GALNTL6: variants seen among roughly 807,000 people sequenced by gnomAD.
GALNTL6 encodes polypeptide N-acetylgalactosaminyltransferase like 6.
Under a neutral mutation model 73.7 loss-of-function variants are expected in GALNTL6, and 46 were observed. That is an observed-to-expected ratio of 0.62 (90% CI 0.49 to 0.80). The LOEUF is 0.80. Ranked by LOEUF, GALNTL6 falls within the 30% of genes least tolerant of loss-of-function variation. GALNTL6 has a pLI of 0.00. For synonymous variants in GALNTL6, 259 were observed against 263.7 expected (o/e 0.98, Z 0.17); for missense variants, 604 against 755.0 (o/e 0.80, Z 2.34).
rs192386461 is a variant in GALNTL6, at chr4:172,165,779, A to G, written c.139-63877A>G. Reference sequence around the variant, plus strand: ...TTTGAATCTCTTATGAAAATAAATCATTGTCAAGAAAAATGTTGCCAACAC... The same window carrying G: ...TTTGAATCTCTTATGAAAATAAATCGTTGTCAAGAAAAATGTTGCCAACAC... On this transcript the variant is annotated intron_variant, in intron 2 of 12. Transcript: ENST00000506823. Among the ~76,000 whole-genome samples the G allele has an allele frequency of 2.9e-3, 445 of 152,332 alleles. 1 individual carries two copies. The highest frequency in any genetic ancestry group is 4.7e-3 in the Non-Finnish European group (319 of 68,028).
At chr4:172,376,329 A>G (rs1188949870) in intron 5 of GALNTL6, among the ~76,000 whole-genome samples, 1 of 152,178 alleles carries the variant, frequency 6.6e-6, no homozygotes, top group Non-Finnish European at 1.5e-5. Flanking sequence ...TAGATAGAAT[A>G]GATGGGCTAG....
intron 7 of GALNTL6, among the ~76,000 whole-genome samples, chr4:172,816,845 G>A (rs1020911975): frequency 5.9e-5 from 9 of 151,940 alleles, no homozygotes; most frequent in South Asian, 2.1e-4. Flanking sequence ...CGGTGGCCGC[G>A]CCTGTATTCC....
intron 7 of GALNTL6, among the ~76,000 whole-genome samples, chr4:172,857,372 T>A (rs1386074000): frequency 6.6e-6 from 1 of 152,054 alleles, no homozygotes; most frequent in Non-Finnish European, 1.5e-5. Flanking sequence ...AAGCCCTATG[T>A]CTCATCCACT....
intron 12 of GALNTL6, among the ~76,000 whole-genome samples, chr4:173,037,165 G>A (rs1753730487): frequency 6.6e-6 from 1 of 152,234 alleles, no homozygotes; most frequent in African/African-American, 2.4e-5. Context: ...AGGGTGAGCA[G>A]AGCTCTGTCT....
At chr4:171,891,746 T>C (rs1736770328) in intron 2 of GALNTL6, among the ~76,000 whole-genome samples, 1 of 152,304 alleles carries the variant, frequency 6.6e-6, no homozygotes, top group South Asian at 2.1e-4. Flanking sequence ...AGGTTAAAGT[T>C]GCCAGGTAAA....
chr4:172,583,137 CAT>C (rs1263685046), intron 5 of GALNTL6, among the ~76,000 whole-genome samples: 2 of 151,752 alleles, frequency 1.3e-5, no homozygotes. Context: ...CCAATTCACA[CAT>C]ACACACACAC....
At chr4:171,971,432 T>C (rs950829448) in intron 2 of GALNTL6, among the ~76,000 whole-genome samples, 2 of 152,334 alleles carry the variant, frequency 1.3e-5, no homozygotes, top group East Asian at 3.9e-4. Flanking sequence ...ACAAAATATA[T>C]TTTGAATTTA....
intron 2 of GALNTL6, among the ~76,000 whole-genome samples, chr4:171,957,027 G>C (rs766044156): frequency 6.6e-6 from 1 of 152,160 alleles, no homozygotes; most frequent in Non-Finnish European, 1.5e-5. Context: ...CAGGACTTAA[G>C]GTCTTGCCAC....
intron 2 of GALNTL6, among the ~76,000 whole-genome samples, chr4:172,060,720 C>G (rs1416162711): frequency 6.6e-6 from 1 of 152,128 alleles, no homozygotes; most frequent in Admixed American, 6.6e-5. Flanking sequence ...CACCCACTAC[C>G]ATTTCAGGCT....
At chr4:171,904,425 G>A (rs1365580890) in intron 2 of GALNTL6, among the ~76,000 whole-genome samples, 5 of 152,234 alleles carry the variant, frequency 3.3e-5, no homozygotes, top group African/African-American at 4.8e-5. Flanking sequence ...GAAACAAAGA[G>A]AGAAGGGAAG....
intron 2 of GALNTL6, among the ~76,000 whole-genome samples, chr4:171,929,120 G>A (rs1002941967): frequency 4.6e-5 from 7 of 152,134 alleles, no homozygotes; most frequent in Admixed American, 2.0e-4. Context: ...AGGCTGGAGT[G>A]TAGTGGTGCA....
chr4:172,314,667 A>G (rs1740481558), intron 4 of GALNTL6, among the ~76,000 whole-genome samples: 1 of 126,300 alleles, frequency 7.9e-6, no homozygotes, highest in Non-Finnish European at 1.6e-5. Context: ...GATGGCAATG[A>G]TGCGATCTTG....
chr4:173,007,299 T>C (rs1197516895), intron 10 of GALNTL6, among the ~76,000 whole-genome samples: 1 of 152,146 alleles, frequency 6.6e-6, no homozygotes, highest in African/African-American at 2.4e-5. Flanking sequence ...GGTTAAATCA[T>C]CAGTTGGGCC....
chr4:172,816,586 A>G (rs1269675406), intron 7 of GALNTL6, among the ~76,000 whole-genome samples: 2 of 152,340 alleles, frequency 1.3e-5, no homozygotes, highest in East Asian at 3.9e-4. Context: ...TACACAGTCA[A>G]AGTGGTCATC....
intron 5 of GALNTL6, among the ~76,000 whole-genome samples, chr4:172,610,689 T>C (rs1560834611): frequency 6.6e-6 from 1 of 152,126 alleles, no homozygotes; most frequent in Non-Finnish European, 1.5e-5. Context: ...GTTCTTTAGA[T>C]GTCTGTCAGG....
Position 172,581,683 on chromosome 4 carries a change from T to A in GALNTL6, c.554-227678T>A, listed in dbSNP as rs568814776. 4.3e-4 allele frequency among the ~76,000 whole-genome samples: 66 copies of A among 152,338 alleles called. 1 individual carries two copies. The highest frequency in any genetic ancestry group is 1.6e-3 in the African/African-American group (66 of 41,574). Reference sequence around the variant, plus strand: ...GTGATTTTCCATCCTCAGCGTGGTATCACACCTTTCTCCACGCATTACCTC... The same window carrying A: ...GTGATTTTCCATCCTCAGCGTGGTAACACACCTTTCTCCACGCATTACCTC... On this transcript the variant is annotated intron_variant, in intron 5 of 12. Transcript: ENST00000506823.
At chr4:172,928,963 C>G (rs1468734627) in intron 8 of GALNTL6, among the ~76,000 whole-genome samples, 1 of 152,198 alleles carries the variant, frequency 6.6e-6, no homozygotes, top group Non-Finnish European at 1.5e-5. Context: ...TCTTTTTCCA[C>G]ACTTCCTGCT....
At chr4:172,303,958 T>C (rs1443956617) in intron 3 of GALNTL6, among the ~76,000 whole-genome samples, 1 of 152,168 alleles carries the variant, frequency 6.6e-6, no homozygotes, top group East Asian at 1.9e-4. Flanking sequence ...ATTTCTCCAT[T>C]CATTTCAGAG....
chr4:172,286,848 C>T (rs749765312), intron 3 of GALNTL6, among the ~76,000 whole-genome samples: 6 of 152,120 alleles, frequency 3.9e-5, no homozygotes, highest in Admixed American at 2.0e-4. Flanking sequence ...AAATAAATTC[C>T]AGTGGTATGT....
Sources: gnomAD v4.1 joint callset for allele counts (sites outside exome capture counted in the v4.1 genomes callset) on GRCh38, gnomAD v4.1.1 for gene constraint, MANE v1.5 for transcripts, NCBI Gene and HGNC (gene_info 2026-07-23, HGNC 2026-07-21) for gene names.